PTMA: variants seen among roughly 807,000 people sequenced by gnomAD.
The protein encoded by PTMA is prothymosin alpha, also known as gene sequence 28.
A neutral mutation model predicts 16.9 loss-of-function variants in PTMA; 4 were observed. The ratio of observed to expected loss-of-function variants is 0.24; its 90% confidence interval spans 0.12 to 0.54. PTMA has a LOEUF of 0.54. Among genes scored for constraint, PTMA ranks in the 20% least tolerant of loss-of-function variants. The pLI is 0.95. For missense variants in PTMA, 120 were observed against 137.7 expected (o/e 0.87, Z 0.64); for synonymous variants, 58 against 47.9 (o/e 1.21, Z -0.87).
chr2:231,710,497 G>A (rs1270959260), intron 1 of PTMA: 3 of 1,061,340 alleles, frequency 2.8e-6, no homozygotes, highest in South Asian at 1.4e-5. Context: ...GAGCGGGGCG[G>A]GCCGGACTGA....
rs1210965809 is a variant in PTMA at position 231,710,661 on chromosome 2, G to T, written c.46-687G>T. ...CGCGCTGCCTTTTGGATCCCGGGCG[G>T]AGTCCCACCCCCGAGGTGCTGTCGG... is the stretch of plus-strand genomic sequence containing the variant. On this transcript the variant is annotated intron_variant, in intron 1 of 4. Transcript: ENST00000409115. 6.8e-6 allele frequency: 3 copies of T among 441,540 alleles called. No homozygotes were observed. In the Admixed American group the frequency reaches 7.6e-5, roughly 11 times the overall value. The allele number at this position is 441,540 out of a possible 1,614,324, so 27.4% of individuals were successfully genotyped here.
intron 2 of PTMA, chr2:231,711,675 G>T (rs1195900206): frequency 1.3e-5 from 12 of 910,944 alleles, no homozygotes; most frequent in Non-Finnish European, 1.9e-5. Flanking sequence ...CTTGGCCCAG[G>T]GTGGGGAAAA....
In PTMA at chr2:231,708,850, C is replaced by A. The variant is rs559457467; in HGVS notation, c.45+99C>A. On this transcript the variant is annotated intron_variant, in intron 1 of 4. Coordinates refer to ENST00000409115, the MANE Select transcript of PTMA (RefSeq NM_002823.5). Reference sequence around the variant, plus strand: ...GGACTGTCTCAAGCCCGCTGTTGCTCCCTCTCGCGGGGAAACGGCCCGCCC... The same window carrying A: ...GGACTGTCTCAAGCCCGCTGTTGCTACCTCTCGCGGGGAAACGGCCCGCCC... 4.3e-4 allele frequency: 611 copies of A among 1,410,916 alleles called. 5 individuals are homozygous for A. The African/African-American group carries it at 5.3e-3, about 12-fold the overall frequency. 87.4% of individuals were successfully genotyped at this position (1,410,916 alleles called of 1,614,324 possible). A position where few individuals can be genotyped will look rare whatever the true frequency, so the allele number is the denominator to read the frequency against.
At chr2:231,710,050 C>G (rs773281583) in intron 1 of PTMA, 104 of 1,223,284 alleles carry the variant, frequency 8.5e-5, no homozygotes, top group Non-Finnish European at 9.8e-5. Flanking sequence ...TCGATTTTCT[C>G]CGAAGCACCA....
intron 1 of PTMA, among the ~76,000 whole-genome samples, chr2:231,710,873 G>A (rs1222220136): frequency 6.6e-6 from 1 of 152,206 alleles, no homozygotes; most frequent in African/African-American, 2.4e-5. Flanking sequence ...CTTCCAGGCT[G>A]GCGCGCCTGT....
At position 231,711,979 on chromosome 2, in the gene PTMA, T is replaced by A; in HGVS notation, c.207T>A (p.Gly69=). Residue 69 remains glycine, a synonymous_variant, in exon 3 of 5, where the codon GGT becomes GGA. Coordinates refer to ENST00000409115, the MANE Select transcript of PTMA (RefSeq NM_002823.5). ...GGEEEEEEEE[G]DGEEEDGDED... ...AGGAAGAGGAGGAGGAAGAAGAAGGTGATGGTGAGTAGCCTTGTCTATCTT... is the reference window on the plus strand; with the variant it reads ...AGGAAGAGGAGGAGGAAGAAGAAGGAGATGGTGAGTAGCCTTGTCTATCTT... 1.3e-6 allele frequency: 2 copies of A among 1,568,028 alleles called. No homozygotes were observed. The highest frequency in any genetic ancestry group is 1.9e-5 in the Admixed American group (1 of 52,480).
At chr2:231,709,385 G>A (rs1013684549) in intron 1 of PTMA, among the ~76,000 whole-genome samples, 8 of 152,174 alleles carry the variant, frequency 5.3e-5, no homozygotes, top group Non-Finnish European at 2.9e-5. Context: ...GGAGGCGGGG[G>A]TGGGCGCCCT....
intron 2 of PTMA, 187 bp from the exon 3 acceptor site, chr2:231,711,703 G>T: frequency 9.0e-7 from 1 of 1,113,720 alleles, no homozygotes; most frequent in Non-Finnish European, 1.3e-6. Flanking sequence ...TCCTGGGGCA[G>T]TTAATGTGCA....
At chr2:231,712,636 C>T in intron 4 of PTMA, 120 bp downstream of exon 4, 2 of 1,331,604 alleles carry the variant, frequency 1.5e-6, no homozygotes, top group South Asian at 2.5e-5. Flanking sequence ...ACTGTGTGGT[C>T]CTGAATCTTA....
At chr2:231,710,353 G>A in intron 1 of PTMA, 1 of 1,210,126 alleles carries the variant, frequency 8.3e-7, no homozygotes, top group Non-Finnish European at 1.0e-6. Context: ...CGCGCGGTGC[G>A]TGCCGAGGCC....
At chr2:231,710,492 G>C (rs1488664809) in intron 1 of PTMA, 9 of 1,080,008 alleles carry the variant, frequency 8.3e-6, no homozygotes, top group East Asian at 1.6e-4. Context: ...GAGCGGAGCG[G>C]GGCGGGCCGG....
rs1240702615 is a variant in PTMA, at chr2:231,708,531, C to T, written c.-176C>T. On this transcript the variant is annotated 5_prime_UTR_variant, in exon 1 of 5. Transcript: ENST00000409115. ...CTTCTGGCGCCGCGTGAGTCCCCCA[C>T]TGGCTGCTCTGAAAAGCCATCTTTG... is the stretch of plus-strand genomic sequence containing the variant. 4.1e-6 allele frequency: 3 copies of T among 736,910 alleles called. No homozygotes were observed. The highest frequency in any genetic ancestry group is 2.7e-5 in the East Asian group (1 of 37,192). 45.6% of individuals were successfully genotyped at this position (736,910 alleles called of 1,614,324 possible). A position where few individuals can be genotyped will look rare whatever the true frequency, so the allele number is the denominator to read the frequency against.
chr2:231,710,910 C>G lies in PTMA; in HGVS notation c.46-438C>G, dbSNP rs574720843. ...GGGCTCTCCCCGAGCGCAGGCCCCT[C>G]TCTCTTTGCCTTATTTATTTTTGGA... On this transcript the variant is annotated intron_variant, in intron 1 of 4. Transcript: ENST00000409115. Among the ~76,000 whole-genome samples, 75 of 152,256 alleles carry G rather than the reference C, an allele frequency of 4.9e-4. 1 individual carries two copies. Among genetic ancestry groups the G allele is most frequent in the Non-Finnish European group, 7.9e-4 (54 of 68,040 alleles).
intron 1 of PTMA, chr2:231,709,794 C>T (rs2060412): frequency 0.65 from 107,544 of 165,710 alleles, 37,302 homozygotes; most frequent in African/African-American, 0.91. Context: ...CTGACTGGCT[C>T]TTTCTTAATA....
At chr2:231,712,642 T>G in intron 4 of PTMA, 126 bp downstream of exon 4, 4 of 1,316,778 alleles carry the variant, frequency 3.0e-6, no homozygotes, top group Non-Finnish European at 4.3e-6. Context: ...TGGTCCTGAA[T>G]CTTAAGAACA....
At chr2:231,709,702 C>T (rs113530897) in intron 1 of PTMA, 1 of 152,832 alleles carries the variant, frequency 6.5e-6, no homozygotes, top group Non-Finnish European at 1.5e-5. Context: ...TGCGGCTCCG[C>T]TCCTGTTGTC....
In PTMA at chr2:231,708,771, G is replaced by A. The variant is rs760928932; in HGVS notation, c.45+20G>A. 13 of 1,599,454 alleles carry A rather than the reference G, an allele frequency of 8.1e-6. No homozygotes were observed. The highest frequency in any genetic ancestry group is 2.2e-5 in the East Asian group (1 of 44,780). On this transcript the variant is annotated intron_variant, in intron 1 of 4. Transcript: ENST00000409115. The stretch of plus-strand genomic sequence containing the variant: ...ACCAAGGTGAGGCTGGACGCCGCCC[G>A]CCCCCTCGGGGTCCGCGCGCCGCCG...
chr2:231,711,407 T>C lies in PTMA; in HGVS notation c.105T>C (p.Ala35=). The change falls in exon 2 of 5, where the codon GCT becomes GCC. Residue 35 remains alanine (A), a synonymous_variant. Transcript: ENST00000409115. ...EEAENGRDAP[A]NGNANEENGE... ...CAGAAAATGGAAGAGACGCCCCTGC[T>C]AACGGGAATGCTGTGAGTGTCTGCT... 2 of 1,614,168 alleles carry C rather than the reference T, an allele frequency of 1.2e-6. No individual in the cohort carries two copies. Among genetic ancestry groups the C allele is most frequent in the African/African-American group, 1.3e-5 (1 of 75,066 alleles).
intron 1 of PTMA, chr2:231,709,639 C>T (rs902043742): frequency 6.6e-6 from 1 of 152,364 alleles, no homozygotes; most frequent in African/African-American, 2.4e-5. Context: ...GGGGGGGCGC[C>T]CGGGCCCCGT....
Sources: allele counts gnomAD v4.1 joint callset (sites outside exome capture counted in the v4.1 genomes callset), GRCh38; gene constraint gnomAD v4.1.1; transcripts MANE v1.5; gene names NCBI Gene and HGNC (gene_info 2026-07-23, HGNC 2026-07-21).